The following ARSG variants were observed in gnomAD, a reference collection of about 807,000 sequenced individuals.
ARSG encodes the protein ASG.
ARSG carries 37 observed loss-of-function variants against 50.5 expected under a neutral mutation model. The ratio of observed to expected loss-of-function variants is 0.73; its 90% confidence interval spans 0.56 to 0.96. The LOEUF (loss-of-function observed/expected upper bound fraction) is 0.96, where lower values mean the gene tolerates loss of function less well. Ranked by LOEUF, ARSG falls within the 50% of genes least tolerant of loss-of-function variation. ARSG has a pLI of 0.00. For synonymous variants in ARSG, 225 were observed against 254.6 expected, an observed-to-expected ratio of 0.88 and a Z score of 1.11; for missense variants, 629 against 675.3, an observed-to-expected ratio of 0.93 and a Z score of 0.76.
chr17:68,427,534 T>C (rs1169849244), downstream of ARSG: 1 of 244,640 alleles, frequency 4.1e-6, no homozygotes, highest in African/African-American at 2.3e-5. Flanking sequence ...TTTTTGTATT[T>C]TTAGTAGAGA....
At chr17:68,316,661 A>T (rs2077080721) in intron 2 of ARSG, among the ~76,000 whole-genome samples, 1 of 152,196 alleles carries the variant, frequency 6.6e-6, no homozygotes, top group South Asian at 2.1e-4. Context: ...ATGGGAAAAT[A>T]ATGGCACCTA....
the ARSG span, chr17:68,428,844 A>T: frequency 5.6e-6 from 9 of 1,613,698 alleles, no homozygotes; most frequent in Non-Finnish European, 6.8e-6. Context: ...GGTTTTGATT[A>T]AGACACACTC....
chr17:68,410,749 G>C (rs1439664943), intron 11 of ARSG, among the ~76,000 whole-genome samples: 1 of 152,126 alleles, frequency 6.6e-6, no homozygotes, highest in Non-Finnish European at 1.5e-5. Flanking sequence ...AATCCATCTG[G>C]TCCTGGACTC....
intron 1 of ARSG, among the ~76,000 whole-genome samples, chr17:68,262,751 C>T (rs112492514): frequency 0.19 from 28,751 of 152,058 alleles, 2,771 homozygotes; most frequent in Middle Eastern, 0.29. Flanking sequence ...AAGCAGTCAG[C>T]TCCTGGATAT....
chr17:68,340,845 GAT>G lies in ARSG; in HGVS notation c.219-2757_219-2756del, dbSNP rs1200749395. 1.3e-5 allele frequency among the ~76,000 whole-genome samples: 2 copies of G among 152,198 alleles called. 1 individual carries two copies. The highest frequency in any genetic ancestry group is 4.1e-4 in the South Asian group (2 of 4,830). The stretch of plus-strand genomic sequence containing the variant: ...TCAATGATTCTAGGCCCTTTCAGCA[GAT>G]AGTAGCTGGGAGATCTGTATTTTTA... On this transcript the variant is annotated intron_variant, in intron 2 of 11. Transcript: ENST00000621439.
chr17:68,300,237 C>T (rs1376551208), intron 1 of ARSG, among the ~76,000 whole-genome samples: 7 of 152,146 alleles, frequency 4.6e-5, no homozygotes, highest in Non-Finnish European at 1.0e-4. Context: ...TGGCCCACCA[C>T]GCCTGGCCTG....
chr17:68,430,685 T>C, the ARSG span, among the ~76,000 whole-genome samples: 919 of 152,236 alleles, frequency 6.0e-3, 12 homozygotes, highest in African/African-American at 0.021. Context: ...ATGATGGAGA[T>C]CATGCAAAGG....
At chr17:68,390,858 C>T (rs938472262) in intron 9 of ARSG, among the ~76,000 whole-genome samples, 1 of 151,046 alleles carries the variant, frequency 6.6e-6, no homozygotes, top group African/African-American at 2.4e-5. Context: ...AACTCCTGAC[C>T]TCAGGTGATT....
At chr17:68,404,804 G>A (rs528949788) in intron 11 of ARSG, among the ~76,000 whole-genome samples, 38 of 152,240 alleles carry the variant, frequency 2.5e-4, no homozygotes, top group African/African-American at 6.7e-4. Context: ...TAAAAAGAGT[G>A]TTAGTATTTT....
intron 11 of ARSG, among the ~76,000 whole-genome samples, chr17:68,402,333 C>CTCTT (rs1027851415): frequency 6.6e-6 from 1 of 151,938 alleles, no homozygotes; most frequent in African/African-American, 2.4e-5. Flanking sequence ...CAACCTCCGC[C>CTCTT]TCTTGGGTTC....
the ARSG span, chr17:68,450,769 T>C: frequency 6.2e-7 from 1 of 1,613,338 alleles, no homozygotes; most frequent in Non-Finnish European, 8.5e-7. Flanking sequence ...CTGGAGTAGC[T>C]GTAATTACAG....
At chr17:68,352,512 C>CTTTT (rs368506056) in intron 5 of ARSG, among the ~76,000 whole-genome samples, 2 of 139,770 alleles carry the variant, frequency 1.4e-5, no homozygotes, top group Non-Finnish European at 3.1e-5. Flanking sequence ...TTTTTTCTTT[C>CTTTT]TTTTTTTTTT....
intron 10 of ARSG, among the ~76,000 whole-genome samples, chr17:68,398,902 A>G (rs937430524): frequency 5.3e-5 from 8 of 152,074 alleles, no homozygotes; most frequent in African/African-American, 1.9e-4. Context: ...GCACCAGGAG[A>G]GAGATGAGGG....
At chr17:68,298,525 G>T (rs1339823189) in intron 1 of ARSG, among the ~76,000 whole-genome samples, 1 of 150,510 alleles carries the variant, frequency 6.6e-6, no homozygotes, top group Non-Finnish European at 1.5e-5. Context: ...AACCCAGGAG[G>T]TGGAGGTTGC....
chr17:68,426,254 G>GGGGGGGGGGGGC, downstream of ARSG: 1 of 816,924 alleles, frequency 1.2e-6, no homozygotes, highest in South Asian at 1.3e-5. Context: ...GGGAGCGGGG[G>GGGGGGGGGGGGC]CTCAAATAAA....
the ARSG span, among the ~76,000 whole-genome samples, chr17:68,447,112 C>T: frequency 6.6e-6 from 1 of 152,170 alleles, no homozygotes; most frequent in Non-Finnish European, 1.5e-5. Flanking sequence ...AGCAATAACT[C>T]CTTTTATCAA....
chr17:68,349,275 A>G (rs1304191871), intron 4 of ARSG, among the ~76,000 whole-genome samples: 1 of 152,116 alleles, frequency 6.6e-6, no homozygotes, highest in African/African-American at 2.4e-5. Context: ...CCTAGGCGAC[A>G]AAACTGAAAC....
At chr17:68,427,342 G>T, downstream of ARSG, 1 of 987,342 alleles carries the variant, frequency 1.0e-6, no homozygotes, top group Non-Finnish European at 1.6e-6. Flanking sequence ...GAAGAAGCCT[G>T]TGCTCAGCTC....
At chr17:68,288,153 C>T (rs1192275639), upstream of ARSG, among the ~76,000 whole-genome samples, 3 of 151,026 alleles carry the variant, frequency 2.0e-5, no homozygotes, top group Admixed American at 6.6e-5. Context: ...CATGCCACCA[C>T]GCCCGGCTGA....
Sources: allele counts gnomAD v4.1 joint callset (sites outside exome capture counted in the v4.1 genomes callset), GRCh38; gene constraint gnomAD v4.1.1; transcripts MANE v1.5; gene names NCBI Gene and HGNC (gene_info 2026-07-23, HGNC 2026-07-21).